Variants in THSD4 observed in about 807,000 individuals in gnomAD.
THSD4 encodes thrombospondin type 1 domain containing 4, also known as thrombospondin type-1 domain-containing protein 4.
THSD4 carries 69 observed loss-of-function variants against 119.0 expected under a neutral mutation model. The observed-to-expected ratio is 0.58, with a 90% CI of 0.48 to 0.71. THSD4 has a LOEUF of 0.71. THSD4 is among the 30% of genes least tolerant of loss of function. THSD4 has a pLI of 0.00. For synonymous variants in THSD4, 524 were observed against 540.4 expected (o/e 0.97, Z 0.42); for missense variants, 1,393 against 1,391.1 (o/e 1.00, Z -0.02).
In THSD4 at chr15:71,604,626, A is replaced by G. The variant is rs182948769; in HGVS notation, c.1153-55904A>G. Reference sequence around the variant, plus strand: ...GTACCTGGTGAAATGTGTATTATCTATATCAAATCAGCAAATGCCTCATTT... The same window carrying G: ...GTACCTGGTGAAATGTGTATTATCTGTATCAAATCAGCAAATGCCTCATTT... On this transcript the variant is annotated intron_variant, in intron 7 of 17. Transcript: ENST00000261862. Among the ~76,000 whole-genome samples, 20 of 152,346 alleles carry G rather than the reference A, an allele frequency of 1.3e-4. No individual in the cohort carries two copies. In the East Asian group the frequency reaches 2.1e-3, roughly 16 times the overall value.
chr15:71,640,591 C>A (rs1595817873), intron 7 of THSD4, among the ~76,000 whole-genome samples: 2 of 152,266 alleles, frequency 1.3e-5, no homozygotes, highest in East Asian at 3.9e-4. Context: ...TAGATAAAGT[C>A]CCAAGCCATG....
chr15:71,737,943 G>T lies in THSD4; in HGVS notation c.1842G>T (p.Arg614=). ...NLVPPAPQPP[R]RSRDHNWKQL... ...TGCCACCAGCACCGCAGCCCCCACG[G>T]CGCAGCCGGGATCACAACTGGAAGC... Residue 614 remains arginine (R), a synonymous_variant, in exon 11 of 18, where the codon CGG becomes CGT. Transcript: ENST00000261862. 2 of 1,614,116 alleles carry T rather than the reference G, an allele frequency of 1.2e-6. No individual in the cohort carries two copies. The highest frequency in any genetic ancestry group is 1.7e-6 in the Non-Finnish European group (2 of 1,179,948).
chr15:71,647,817 G>C (rs1320941959), intron 7 of THSD4, among the ~76,000 whole-genome samples: 1 of 152,186 alleles, frequency 6.6e-6, no homozygotes, highest in East Asian at 1.9e-4. Flanking sequence ...GACTTCAGAG[G>C]ACTTCAATAT....
At chr15:71,674,402 C>A (rs945866743) in intron 8 of THSD4, among the ~76,000 whole-genome samples, 33 of 152,182 alleles carry the variant, frequency 2.2e-4, no homozygotes, top group Non-Finnish European at 1.3e-4. Flanking sequence ...AGAACTATTA[C>A]CTTTAAATGA....
At chr15:71,668,488 T>C (rs941479543) in intron 8 of THSD4, among the ~76,000 whole-genome samples, 1 of 152,090 alleles carries the variant, frequency 6.6e-6, no homozygotes, top group Non-Finnish European at 1.5e-5. Context: ...GGGGAGAATG[T>C]GGCTGAAAAT....
intron 4 of THSD4, among the ~76,000 whole-genome samples, chr15:71,234,213 T>C (rs751533024): frequency 3.3e-5 from 5 of 152,186 alleles, no homozygotes; most frequent in Non-Finnish European, 7.3e-5. Flanking sequence ...GCAAGTCCCT[T>C]CTGTTCTCAG....
chr15:71,600,336 C>T (rs2049983255), intron 7 of THSD4, among the ~76,000 whole-genome samples: 4 of 152,218 alleles, frequency 2.6e-5, no homozygotes, highest in South Asian at 4.1e-4. Flanking sequence ...TACTCCCCTT[C>T]TGAATTCCCG....
At chr15:71,754,796 T>C (rs187621639) in intron 14 of THSD4, among the ~76,000 whole-genome samples, 2 of 149,620 alleles carry the variant, frequency 1.3e-5, no homozygotes, top group East Asian at 3.9e-4. Flanking sequence ...GGGGGCTTCA[T>C]AGGAAAGAAG....
At chr15:71,155,541 A>G (rs761188566) in intron 3 of THSD4, among the ~76,000 whole-genome samples, 10 of 152,194 alleles carry the variant, frequency 6.6e-5, no homozygotes, top group Non-Finnish European at 1.5e-4. Context: ...GAGCAGTGCC[A>G]GCTTTGCAAC....
chr15:71,379,584 A>C (rs12441012), intron 6 of THSD4, among the ~76,000 whole-genome samples: 7,499 of 147,920 alleles, frequency 0.051, 234 homozygotes, highest in African/African-American at 0.082. Flanking sequence ...TCAGCCTCCC[A>C]AGTAGCTGGG....
At chr15:71,494,331 T>TA (rs2047976230) in intron 7 of THSD4, among the ~76,000 whole-genome samples, 1 of 152,190 alleles carries the variant, frequency 6.6e-6, no homozygotes, top group Non-Finnish European at 1.5e-5. Context: ...TTTTCTTTTC[T>TA]AACCCCCCTT....
chr15:71,688,161 A>G (rs1232269505), intron 8 of THSD4, among the ~76,000 whole-genome samples: 1 of 152,226 alleles, frequency 6.6e-6, no homozygotes, highest in Non-Finnish European at 1.5e-5. Flanking sequence ...GCATGCAATA[A>G]AGCATTTAGC....
chr15:71,716,151 G>A (rs78280405), intron 8 of THSD4, among the ~76,000 whole-genome samples: 25,796 of 152,104 alleles, frequency 0.17, 2,403 homozygotes, highest in Middle Eastern at 0.22. Flanking sequence ...TCCTTGGCTT[G>A]TGGCTTCCTA....
intron 1 of THSD4, among the ~76,000 whole-genome samples, chr15:71,109,882 C>G (rs16955152): frequency 0.011 from 1,694 of 152,224 alleles, 34 homozygotes; most frequent in African/African-American, 0.038. Context: ...ACTTGGAGAC[C>G]GTGTGACTTT....
intron 7 of THSD4, among the ~76,000 whole-genome samples, chr15:71,517,328 G>A (rs563705947): frequency 6.6e-6 from 1 of 152,130 alleles, no homozygotes; most frequent in South Asian, 2.1e-4. Context: ...CCCAGTCCAT[G>A]TCTCTCTTCA....
intron 5 of THSD4, among the ~76,000 whole-genome samples, chr15:71,247,179 T>A (rs945983571): frequency 6.6e-6 from 1 of 151,992 alleles, no homozygotes; most frequent in East Asian, 1.9e-4. Flanking sequence ...ATAACAGGCA[T>A]GAGCCACTGC....
chr15:71,235,627 GC>G (rs1344590454), intron 4 of THSD4, among the ~76,000 whole-genome samples: 1 of 115,964 alleles, frequency 8.6e-6, no homozygotes, highest in African/African-American at 3.4e-5. Context: ...TTGCTCTGTT[GC>G]CCAGGCTGGC....
chr15:71,098,530 C>T (rs2040241479), intron 1 of THSD4, among the ~76,000 whole-genome samples: 1 of 152,066 alleles, frequency 6.6e-6, no homozygotes, highest in African/African-American at 2.4e-5. Context: ...TCCCAGAGTG[C>T]TATGATTACA....
intron 6 of THSD4, chr15:71,341,325 A>G: frequency 2.5e-6 from 4 of 1,604,910 alleles, no homozygotes; most frequent in Non-Finnish European, 3.4e-6. Context: ...TGAGCTCTGT[A>G]GGTCCGGCGG....
Sources: gnomAD v4.1 joint callset for allele counts (sites outside exome capture counted in the v4.1 genomes callset) on GRCh38, gnomAD v4.1.1 for gene constraint, MANE v1.5 for transcripts, NCBI Gene and HGNC (gene_info 2026-07-23, HGNC 2026-07-21) for gene names.